DNAH14: variants seen among roughly 807,000 people sequenced by gnomAD.
DNAH14 encodes the protein axonemal beta dynein heavy chain 14.
DNAH14 carries 478 observed loss-of-function variants against 520.9 expected under a neutral mutation model. The ratio of observed to expected loss-of-function variants is 0.92; its 90% CI spans 0.85 to 0.99. The LOEUF is 0.99. Among genes scored for constraint, DNAH14 ranks in the 50% least tolerant of loss-of-function variants. The pLI is 0.00. For missense variants in DNAH14, 4,831 were observed against 5,234.5 expected (o/e 0.92, Z 2.38); for synonymous variants, 1,581 against 1,757.2 (o/e 0.90, Z 2.51).
At chr1:225,228,982 T>C (rs2090828057) in intron 41 of DNAH14, among the ~76,000 whole-genome samples, 1 of 152,226 alleles carries the variant, frequency 6.6e-6, no homozygotes, top group East Asian at 1.9e-4. Flanking sequence ...TTTACTCATG[T>C]TGTCCTAAAA....
intron 61 of DNAH14, among the ~76,000 whole-genome samples, chr1:225,322,264 A>G (rs12564292): frequency 6.6e-6 from 1 of 150,504 alleles, no homozygotes; most frequent in African/African-American, 2.4e-5. Flanking sequence ...TAATTTTTTT[A>G]TTTTTGTAGA....
intron 58 of DNAH14, among the ~76,000 whole-genome samples, chr1:225,307,069 A>G (rs1480343454): frequency 6.6e-6 from 1 of 152,196 alleles, no homozygotes; most frequent in Non-Finnish European, 1.5e-5. Flanking sequence ...TAGTACATTT[A>G]AAGCCCAATT....
chr1:225,027,943 A>G (rs1228973699), intron 11 of DNAH14, among the ~76,000 whole-genome samples: 1 of 152,018 alleles, frequency 6.6e-6, no homozygotes, highest in Non-Finnish European at 1.5e-5. Context: ...ACATACATAC[A>G]TTTTCATAAA....
intron 43 of DNAH14, 36 bp from the exon 44 acceptor site, chr1:225,252,265 C>T (rs999969484): frequency 1.9e-5 from 21 of 1,117,910 alleles, no homozygotes; most frequent in Non-Finnish European, 2.7e-5. Context: ...ATAACTGAAC[C>T]CCTTTCTTAG....
intron 27 of DNAH14, among the ~76,000 whole-genome samples, chr1:225,132,978 T>A (rs1203406393): frequency 6.6e-6 from 1 of 152,224 alleles, no homozygotes; most frequent in Non-Finnish European, 1.5e-5. Flanking sequence ...CAATTAGTAA[T>A]GTTGAGGTTT....
chr1:225,206,908 T>C, intron 40 of DNAH14, 60 bp from the exon 41 acceptor site: 3 of 1,352,614 alleles, frequency 2.2e-6, no homozygotes, highest in Non-Finnish European at 2.9e-6. Context: ...AGTAAGATAG[T>C]AGAAGGATAC....
At chr1:225,354,839 A>G (rs775498172) in intron 73 of DNAH14, among the ~76,000 whole-genome samples, 9 of 152,204 alleles carry the variant, frequency 5.9e-5, no homozygotes, top group Non-Finnish European at 1.2e-4. Context: ...GCTAACCTGG[A>G]CAACCAGTAA....
chr1:225,091,913 G>A (rs1457417933), intron 21 of DNAH14, among the ~76,000 whole-genome samples: 1 of 152,002 alleles, frequency 6.6e-6, no homozygotes, highest in Non-Finnish European at 1.5e-5. Context: ...AAAAGCAGGG[G>A]TTGCTATTCT....
At chr1:225,256,902 T>TAA (rs756064729) in intron 44 of DNAH14, among the ~76,000 whole-genome samples, 1 of 151,380 alleles carries the variant, frequency 6.6e-6, no homozygotes, top group African/African-American at 2.4e-5. Flanking sequence ...ATTTGCTATT[T>TAA]TAAAAAAAAA....
At chr1:225,220,748 A>G (rs1341668653) in intron 41 of DNAH14, among the ~76,000 whole-genome samples, 6 of 152,142 alleles carry the variant, frequency 3.9e-5, no homozygotes. Flanking sequence ...TATAGATTCA[A>G]TGCTATTCCC....
intron 3 of DNAH14, among the ~76,000 whole-genome samples, chr1:224,957,704 T>C (rs946773296): frequency 6.6e-6 from 1 of 152,148 alleles, no homozygotes; most frequent in African/African-American, 2.4e-5. Context: ...GTAAGTAACA[T>C]GAGGACTAGA....
At chr1:225,129,290 CT>C (rs1387261482) in intron 27 of DNAH14, among the ~76,000 whole-genome samples, 1 of 152,082 alleles carries the variant, frequency 6.6e-6, no homozygotes, top group Non-Finnish European at 1.5e-5. Context: ...CTACCAATGA[CT>C]TTCTTCACAG....
chr1:224,954,788 A>G (rs931825049), intron 2 of DNAH14, among the ~76,000 whole-genome samples, 171 bp from the exon 3 acceptor site: 2 of 152,204 alleles, frequency 1.3e-5, no homozygotes, highest in Non-Finnish European at 2.9e-5. Flanking sequence ...TGTATTGTTC[A>G]GAATAAATAT....
intron 61 of DNAH14, among the ~76,000 whole-genome samples, chr1:225,322,276 A>G (rs1409269089): frequency 6.6e-6 from 1 of 150,408 alleles, no homozygotes; most frequent in Non-Finnish European, 1.5e-5. Context: ...TTTTGTAGAG[A>G]CCGGGTTTCG....
At chr1:224,986,370 A>G (rs1207106557) in intron 8 of DNAH14, among the ~76,000 whole-genome samples, 3 of 151,738 alleles carry the variant, frequency 2.0e-5, no homozygotes, top group Non-Finnish European at 4.4e-5. Context: ...CTAAAAAAAA[A>G]TGATGCAAAA....
intron 55 of DNAH14, among the ~76,000 whole-genome samples, chr1:225,294,213 T>A (rs1032186808): frequency 5.9e-5 from 9 of 152,296 alleles, no homozygotes; most frequent in South Asian, 4.1e-4. Flanking sequence ...TTTTTTTCTA[T>A]ATTCTGTTTA....
At position 225,081,376 on chromosome 1, in the gene DNAH14, TATAAC is replaced by T. The variant is rs1236407503; in HGVS notation, c.3136+630_3136+634del. On this transcript the variant is annotated intron_variant, in intron 19 of 85. Transcript: ENST00000682510. ...ACTTGTTTTAAAATTATTTAAGAAA[TATAAC>T]AGTAGCACAAAAGTTTAGAAAAGAG... Among the ~76,000 whole-genome samples, 5 of 152,114 alleles carry T rather than the reference TATAAC, an allele frequency of 3.3e-5. 1 individual carries two copies. The highest frequency in any genetic ancestry group is 3.3e-4 in the Admixed American group (5 of 15,268).
chr1:225,195,585 C>G (rs1365753299), intron 38 of DNAH14, among the ~76,000 whole-genome samples: 1 of 150,324 alleles, frequency 6.7e-6, no homozygotes, highest in African/African-American at 2.5e-5. Context: ...ATCTGTATAC[C>G]AAACCCCCGA....
chr1:225,109,804 AG>A lies in DNAH14; in HGVS notation c.3868-7878del, dbSNP rs2076350747. Among the ~76,000 whole-genome samples the A allele has an allele frequency of 3.3e-5, 5 of 152,250 alleles. No homozygotes were observed. The South Asian group carries it at 1.0e-3, about 32-fold the overall frequency. ...TATGACCTTCCAGATCTTAGAGGAA[AG>A]GCTTTCATTTTCTCCCCATTTAGTG... On this transcript the variant is annotated intron_variant, in intron 23 of 85. Transcript: ENST00000682510.
Sources: gnomAD v4.1 joint callset for allele counts (sites outside exome capture counted in the v4.1 genomes callset) on GRCh38, gnomAD v4.1.1 for gene constraint, MANE v1.5 for transcripts, NCBI Gene and HGNC (gene_info 2026-07-23, HGNC 2026-07-21) for gene names.